SLCO6A1: variants seen among roughly 807,000 people sequenced by gnomAD.
The protein encoded by SLCO6A1 is cancer/testis antigen 48.
A neutral mutation model predicts 72.7 loss-of-function variants in SLCO6A1; 65 were observed. The ratio of observed to expected loss-of-function variants is 0.89; its 90% confidence interval spans 0.73 to 1.10. The LOEUF is 1.10. SLCO6A1 is among the 50% of genes least tolerant of loss of function. The pLI is 0.00. For synonymous variants in SLCO6A1, 314 were observed against 298.2 expected (o/e 1.05, Z -0.55); for missense variants, 874 against 872.6 (o/e 1.00, Z -0.02).
At chr5:102,489,638 C>T (rs1044665627) in intron 1 of SLCO6A1, among the ~76,000 whole-genome samples, 5 of 152,080 alleles carry the variant, frequency 3.3e-5, no homozygotes, top group African/African-American at 1.2e-4. Context: ...AGCCTTTATA[C>T]ACTGTTGGTG....
intron 1 of SLCO6A1, among the ~76,000 whole-genome samples, chr5:102,496,266 C>T (rs1329816614): frequency 6.6e-6 from 1 of 152,194 alleles, no homozygotes; most frequent in Non-Finnish European, 1.5e-5. Flanking sequence ...GGTTGACTCA[C>T]AGGAAGCAGG....
intron 6 of SLCO6A1, among the ~76,000 whole-genome samples, chr5:102,451,035 G>C (rs1274298400): frequency 1.3e-5 from 2 of 152,170 alleles, no homozygotes; most frequent in African/African-American, 4.8e-5. Flanking sequence ...GGTTGGGGCA[G>C]GGTGACTGTG....
At chr5:102,397,514 C>T (rs1375126726) in intron 10 of SLCO6A1, among the ~76,000 whole-genome samples, 1 of 152,094 alleles carries the variant, frequency 6.6e-6, no homozygotes, top group African/African-American at 2.4e-5. Flanking sequence ...CATTCATTTG[C>T]AAAAGGTGTA....
At chr5:102,391,749 A>T (rs1283452691) in intron 10 of SLCO6A1, among the ~76,000 whole-genome samples, 1 of 152,022 alleles carries the variant, frequency 6.6e-6, no homozygotes, top group East Asian at 1.9e-4. Context: ...ATTCAACCTT[A>T]CTCAAATTGT....
chr5:102,384,501 A>G (rs1746299573), intron 12 of SLCO6A1, among the ~76,000 whole-genome samples: 1 of 151,636 alleles, frequency 6.6e-6, no homozygotes, highest in South Asian at 2.1e-4. Context: ...ACTTTTTTAT[A>G]TTTTGATCAG....
chr5:102,427,109 T>A, intron 7 of SLCO6A1, among the ~76,000 whole-genome samples: 1 of 150,330 alleles, frequency 6.7e-6, no homozygotes, highest in African/African-American at 2.4e-5. Flanking sequence ...AGAAGAAAAA[T>A]AAAAAGAGAT....
intron 1 of SLCO6A1, among the ~76,000 whole-genome samples, chr5:102,485,161 G>C (rs1447249912): frequency 6.6e-6 from 1 of 152,064 alleles, no homozygotes; most frequent in Non-Finnish European, 1.5e-5. Flanking sequence ...TGAGGCAGGA[G>C]AATCGTTTGA....
At chr5:102,379,566 T>C (rs1364367112) in intron 12 of SLCO6A1, among the ~76,000 whole-genome samples, 1 of 152,132 alleles carries the variant, frequency 6.6e-6, no homozygotes, top group Non-Finnish European at 1.5e-5. Flanking sequence ...AGTGTGCATA[T>C]GAAGGTTTGT....
intron 7 of SLCO6A1, among the ~76,000 whole-genome samples, chr5:102,437,787 G>A (rs1314615448): frequency 1.3e-5 from 2 of 151,824 alleles, no homozygotes; most frequent in Non-Finnish European, 2.9e-5. Flanking sequence ...TTAATTAAAT[G>A]TTTCCTATTA....
chr5:102,470,123 T>G (rs1474077831), intron 4 of SLCO6A1, among the ~76,000 whole-genome samples: 3 of 152,110 alleles, frequency 2.0e-5, no homozygotes, highest in Non-Finnish European at 4.4e-5. Context: ...ATTCTCTTTT[T>G]TGTGTGTGTG....
intron 8 of SLCO6A1, among the ~76,000 whole-genome samples, chr5:102,413,344 G>T (rs1748095583): frequency 6.6e-6 from 1 of 151,758 alleles, no homozygotes; most frequent in Non-Finnish European, 1.5e-5. Context: ...ATACACTTGT[G>T]AAATCATCAC....
At chr5:102,414,941 T>A (rs55651634) in intron 8 of SLCO6A1, among the ~76,000 whole-genome samples, 8,617 of 149,278 alleles carry the variant, frequency 0.058, 242 homozygotes, top group Middle Eastern at 0.083. Context: ...ATAAATAAAT[T>A]AATTAATAAG....
At chr5:102,452,685 A>G (rs949596594) in intron 6 of SLCO6A1, among the ~76,000 whole-genome samples, 15 of 152,190 alleles carry the variant, frequency 9.9e-5, no homozygotes, top group Non-Finnish European at 2.1e-4. Context: ...GAAACATGGT[A>G]AGAGTAGATA....
intron 12 of SLCO6A1, among the ~76,000 whole-genome samples, chr5:102,377,668 T>C (rs1352337425): frequency 6.6e-6 from 1 of 151,722 alleles, no homozygotes; most frequent in East Asian, 1.9e-4. Context: ...GACATAGACA[T>C]ATATATAGAT....
intron 4 of SLCO6A1, among the ~76,000 whole-genome samples, chr5:102,474,701 T>G (rs1179277990): frequency 1.3e-5 from 2 of 151,988 alleles, no homozygotes; most frequent in African/African-American, 4.8e-5. Flanking sequence ...GCAGAATATA[T>G]GAAGAACTTC....
chr5:102,471,315 A>T (rs1266168841), intron 4 of SLCO6A1, among the ~76,000 whole-genome samples: 2 of 152,032 alleles, frequency 1.3e-5, no homozygotes, highest in Non-Finnish European at 2.9e-5. Flanking sequence ...AGCTGAACAT[A>T]AATCAATAGA....
intron 6 of SLCO6A1, among the ~76,000 whole-genome samples, chr5:102,453,922 T>C (rs915062386): frequency 1.3e-5 from 2 of 152,332 alleles, no homozygotes; most frequent in Admixed American, 1.3e-4. Context: ...TTTCTGTTTA[T>C]GTAAGGACTT....
intron 11 of SLCO6A1, among the ~76,000 whole-genome samples, chr5:102,390,767 T>C (rs1746710599): frequency 6.6e-6 from 1 of 152,158 alleles, no homozygotes; most frequent in Admixed American, 6.6e-5. Context: ...TCAAATATAA[T>C]ATGCATATTT....
intron 4 of SLCO6A1, among the ~76,000 whole-genome samples, chr5:102,470,414 C>A (rs1751546396): frequency 6.6e-6 from 1 of 152,078 alleles, no homozygotes; most frequent in South Asian, 2.1e-4. Context: ...AGGAATTTAT[C>A]CATTTCTTCT....
Sources: allele counts gnomAD v4.1 joint callset (sites outside exome capture counted in the v4.1 genomes callset), GRCh38; gene constraint gnomAD v4.1.1; transcripts MANE v1.5; gene names NCBI Gene and HGNC (gene_info 2026-07-23, HGNC 2026-07-21).